Variants in KCNH1 observed in about 807,000 individuals in gnomAD.
KCNH1 encodes the protein potassium voltage-gated channel subfamily H member 1.
KCNH1 carries 27 observed loss-of-function variants against 69.2 expected under a neutral mutation model. The observed-to-expected ratio is 0.39, with a 90% CI of 0.29 to 0.54. The LOEUF is 0.54. Among genes scored for constraint, KCNH1 ranks in the 20% least tolerant of loss-of-function variants. The pLI, the probability that KCNH1 is intolerant of heterozygous loss-of-function variation, is 0.68. For synonymous variants in KCNH1, 456 were observed against 487.7 expected (o/e 0.93, Z 0.86); for missense variants, 798 against 1,261.6 (o/e 0.63, Z 5.57).
At chr1:210,901,529 G>A (rs1686995492) in intron 7 of KCNH1, among the ~76,000 whole-genome samples, 1 of 152,186 alleles carries the variant, frequency 6.6e-6, no homozygotes, top group African/African-American at 2.4e-5. Context: ...CTGTTCCCAT[G>A]AGGAGTGATG....
chr1:210,922,414 A>AC (rs1687482205), intron 6 of KCNH1, among the ~76,000 whole-genome samples: 1 of 146,180 alleles, frequency 6.8e-6, no homozygotes, highest in African/African-American at 2.5e-5. Context: ...AAAAAAAAAA[A>AC]AAAAAAACCT....
intron 5 of KCNH1, among the ~76,000 whole-genome samples, chr1:211,038,151 C>T (rs1273286368): frequency 6.6e-6 from 1 of 151,824 alleles, no homozygotes; most frequent in African/African-American, 2.4e-5. Flanking sequence ...TTAGTAGAGA[C>T]GGGGTTTCAC....
intron 6 of KCNH1, among the ~76,000 whole-genome samples, chr1:210,969,361 A>G (rs1384649650): frequency 6.6e-6 from 1 of 152,094 alleles, no homozygotes; most frequent in Non-Finnish European, 1.5e-5. Context: ...AACTTTATAT[A>G]AGACTAGAAT....
chr1:211,006,964 A>G (rs1258414708), intron 6 of KCNH1, among the ~76,000 whole-genome samples: 4 of 152,136 alleles, frequency 2.6e-5, no homozygotes, highest in Non-Finnish European at 5.9e-5. Flanking sequence ...ATATGAAGAA[A>G]AAAAAGACAG....
chr1:211,008,345 AAAG>A (rs902722479), intron 6 of KCNH1, among the ~76,000 whole-genome samples: 8 of 152,260 alleles, frequency 5.3e-5, no homozygotes, highest in Admixed American at 3.3e-4. Context: ...ATGTTTGTCA[AAAG>A]AAGAACTGCC....
At chr1:211,050,989 T>TTTATTG (rs138240502) in intron 5 of KCNH1, among the ~76,000 whole-genome samples, 12 of 150,498 alleles carry the variant, frequency 8.0e-5, no homozygotes, top group Admixed American at 4.6e-4. Flanking sequence ...ATATTTTTGT[T>TTTATTG]TTGTTGTTGT....
intron 6 of KCNH1, among the ~76,000 whole-genome samples, chr1:210,948,941 T>C (rs1688014078): frequency 1.3e-5 from 2 of 152,118 alleles, no homozygotes; most frequent in Non-Finnish European, 2.9e-5. Context: ...CATTTTCTCA[T>C]GTCACAAAAT....
intron 7 of KCNH1, among the ~76,000 whole-genome samples, chr1:210,820,624 ACT>A (rs897097762): frequency 2.0e-5 from 3 of 152,104 alleles, no homozygotes; most frequent in Admixed American, 6.5e-5. Flanking sequence ...ACAGAGAGAG[ACT>A]CTGTCTCAAA....
chr1:211,070,428 AAAAC>A (rs1159775642), intron 5 of KCNH1, among the ~76,000 whole-genome samples: 39 of 114,262 alleles, frequency 3.4e-4, no homozygotes, highest in African/African-American at 6.8e-4. Context: ...TAAAAAAAAA[AAAAC>A]ACACACACAC....
At chr1:211,038,604 C>T (rs1397413901) in intron 5 of KCNH1, among the ~76,000 whole-genome samples, 1 of 152,118 alleles carries the variant, frequency 6.6e-6, no homozygotes, top group African/African-American at 2.4e-5. Flanking sequence ...GTGATATGGA[C>T]AATAAGATCC....
chr1:210,715,958 A>G (rs545813610), intron 10 of KCNH1, among the ~76,000 whole-genome samples: 9 of 152,294 alleles, frequency 5.9e-5, no homozygotes, highest in Admixed American at 5.2e-4. Flanking sequence ...CCCTGGCCTT[A>G]GGGATACAAA....
chr1:210,683,298 T>C lies in KCNH1; in HGVS notation c.2953A>G (p.Ile985Val), dbSNP rs1345014043. 1.2e-6 allele frequency: 2 copies of C among 1,613,146 alleles called. No individual in the cohort carries two copies. Among genetic ancestry groups the C allele is most frequent in the Non-Finnish European group, 8.5e-7 (1 of 1,179,548 alleles). Residue 985 changes from isoleucine to valine, a missense_variant, in exon 11 of 11, where the codon ATT (isoleucine) becomes GTT (valine). Physicochemically the swap from Ile to Val is conservative, Grantham distance 29 (BLOSUM62 3). This residue lies in a region of KCNH1 where 331 missense variants were observed against 363.2 expected (regional missense o/e 0.91). Transcript: ENST00000271751. This position sits in a 1 kb window ranked among gnomAD's most constrained non-coding sequence, Gnocchi z 5.7. ...TAGACCTCTCAGCTGGCTCCAAAAA[T>C]GTCTCTCTCTGATTCTGGGGACTGT... The part of the protein sequence containing the change: ...RPQSPESERD[I>V]FGAS
chr1:210,860,916 G>A, intron 7 of KCNH1: 1 of 942,550 alleles, frequency 1.1e-6, no homozygotes, highest in Middle Eastern at 2.9e-4. Context: ...TCTGCAACAT[G>A]TATTCCATCT....
At chr1:210,860,581 C>T in intron 7 of KCNH1, 1 of 861,106 alleles carries the variant, frequency 1.2e-6, no homozygotes, top group Non-Finnish European at 2.0e-6. Flanking sequence ...ACTATTTTCA[C>T]AGATCATTTT....
rs558734102 is a variant in KCNH1, at chr1:210,987,074, A to G, written c.1032+31709T>C. Among the ~76,000 whole-genome samples, 5 of 152,290 alleles carry G rather than the reference A, an allele frequency of 3.3e-5. No individual in the cohort carries two copies. In the South Asian group the frequency reaches 1.0e-3, roughly 32 times the overall value. On this transcript the variant is annotated intron_variant, in intron 6 of 10. Coordinates refer to ENST00000271751, the MANE Select transcript of KCNH1 (RefSeq NM_172362.3). ...GATACCCTTTCTTCCAGGTGAGTGA[A>G]TCAGCTACCGAGGCTTGTGCATTCG...
intron 7 of KCNH1, among the ~76,000 whole-genome samples, chr1:210,814,537 T>C (rs77320279): frequency 1.2e-3 from 186 of 152,260 alleles, no homozygotes; most frequent in Non-Finnish European, 1.9e-3. Flanking sequence ...GGAAGCAGCA[T>C]GGTATAGTAA....
rs150829082 is a variant in KCNH1, at chr1:210,894,766, C to T, written c.1462+24874G>A. 7.9e-5 allele frequency among the ~76,000 whole-genome samples: 12 copies of T among 152,306 alleles called. No individual in the cohort carries two copies. The East Asian group carries it at 2.3e-3, about 29-fold the overall frequency. ...TAATGCCCTCTGCCATATTATGATG[C>T]ATCATGAAGGCCCTAACAAGATGCC... On this transcript the variant is annotated intron_variant, in intron 7 of 10. Coordinates refer to ENST00000271751, the MANE Select transcript of KCNH1 (RefSeq NM_172362.3).
chr1:211,073,808 T>C (rs1427143895), intron 5 of KCNH1, among the ~76,000 whole-genome samples: 1 of 150,776 alleles, frequency 6.6e-6, no homozygotes, highest in African/African-American at 2.4e-5. Context: ...ACTAAAAAAT[T>C]AAAGCAAATT....
chr1:210,845,107 G>T (rs1245328827), intron 7 of KCNH1, among the ~76,000 whole-genome samples: 1 of 152,092 alleles, frequency 6.6e-6, no homozygotes, highest in African/African-American at 2.4e-5. Context: ...ACCAAAAAAA[G>T]TCCAGGACCA....
Sources: allele counts gnomAD v4.1 joint callset (sites outside exome capture counted in the v4.1 genomes callset), GRCh38; gene constraint gnomAD v4.1.1; regional missense constraint gnomAD v4.1.1; non-coding constraint Gnocchi (gnomAD v3.1); transcripts MANE v1.5; gene names NCBI Gene and HGNC (gene_info 2026-07-23, HGNC 2026-07-21).